The following SPRED1 variants were observed in gnomAD, a reference collection of about 807,000 sequenced individuals.
SPRED1 encodes the protein sprouty related EVH1 domain containing 1.
SPRED1 carries 18 observed loss-of-function variants against 52.3 expected under a neutral mutation model. The ratio of observed to expected loss-of-function variants is 0.34; its 90% confidence interval spans 0.24 to 0.51. SPRED1 has a LOEUF of 0.51. Among genes scored for constraint, SPRED1 ranks in the 20% least tolerant of loss-of-function variants. SPRED1 has a pLI of 0.97. For missense variants in SPRED1, 485 were observed against 551.0 expected (o/e 0.88, Z 1.20); for synonymous variants, 155 against 179.7 (o/e 0.86, Z 1.10).
At chr15:38,281,494 G>A (rs1302386385) in intron 1 of SPRED1, among the ~76,000 whole-genome samples, 1 of 151,828 alleles carries the variant, frequency 6.6e-6, no homozygotes, top group African/African-American at 2.4e-5. Context: ...CTGGGCTCAA[G>A]CGATTCTCCC....
At chr15:38,303,404 G>T (rs533859413) in intron 2 of SPRED1, among the ~76,000 whole-genome samples, 1 of 152,062 alleles carries the variant, frequency 6.6e-6, no homozygotes, top group Non-Finnish European at 1.5e-5. Flanking sequence ...AGATATAATG[G>T]TTCTTCTCTG....
At position 38,352,204 on chromosome 15, in the gene SPRED1, A is replaced by G. The variant is rs1033052429; in HGVS notation, c.*540A>G. ...CTAAATGTAAGGTACGAATTATTAC[A>G]TATTAAACTTTTCTTCCCCTTCCTA... On this transcript the variant is annotated 3_prime_UTR_variant, in exon 7 of 7. Transcript: ENST00000299084. 21 of 155,722 alleles carry G rather than the reference A, an allele frequency of 1.3e-4. No homozygotes were observed. The highest frequency in any genetic ancestry group is 5.1e-4 in the African/African-American group (21 of 41,408). 9.6% of individuals were successfully genotyped at this position (155,722 alleles called of 1,614,324 possible). A position where few individuals can be genotyped will look rare whatever the true frequency, so the allele number is the denominator to read the frequency against.
intron 1 of SPRED1, among the ~76,000 whole-genome samples, chr15:38,268,605 G>C (rs1439947616): frequency 6.6e-6 from 1 of 152,174 alleles, no homozygotes; most frequent in Non-Finnish European, 1.5e-5. Flanking sequence ...ACATTTAAAA[G>C]TGACCAGGGT....
chr15:38,295,403 TGTA>T lies in SPRED1; in HGVS notation c.33-3968_33-3966del, dbSNP rs1459177801. 2.6e-5 allele frequency among the ~76,000 whole-genome samples: 4 copies of T among 152,326 alleles called. 1 individual carries two copies. In the East Asian group the frequency reaches 7.7e-4, roughly 29 times the overall value. On this transcript the variant is annotated intron_variant, in intron 1 of 6. Coordinates refer to ENST00000299084, the MANE Select transcript of SPRED1 (RefSeq NM_152594.3). ...TACAGCATGTTGTTGTACTGAAAAG[TGTA>T]GCCAGTTTTAGCACAATGGTAAGTA... is the stretch of plus-strand genomic sequence containing the variant.
At chr15:38,296,164 C>G (rs1025432222) in intron 1 of SPRED1, among the ~76,000 whole-genome samples, 1 of 152,004 alleles carries the variant, frequency 6.6e-6, no homozygotes, top group Non-Finnish European at 1.5e-5. Context: ...TTCTACTTGT[C>G]TAGCAGTTGG....
intron 1 of SPRED1, among the ~76,000 whole-genome samples, chr15:38,273,328 A>G (rs1330930675): frequency 2.6e-5 from 4 of 152,098 alleles, no homozygotes; most frequent in East Asian, 3.8e-4. Flanking sequence ...ATAGTTCAGT[A>G]GTAGTCTTGT....
At chr15:38,324,036 G>T (rs1168832197) in intron 3 of SPRED1, among the ~76,000 whole-genome samples, 1 of 152,048 alleles carries the variant, frequency 6.6e-6, no homozygotes, top group East Asian at 1.9e-4. Flanking sequence ...CTGCTATATA[G>T]ACTTTCAACA....
chr15:38,353,872 T>C lies in SPRED1; in HGVS notation c.*2208T>C, dbSNP rs1156409627. ...TTCTGTTAAGCACTAATCAGTATAG[T>C]GCAACTCCTGGTTCTGTACTGTATT... On this transcript the variant is annotated 3_prime_UTR_variant, in exon 7 of 7. Coordinates refer to ENST00000299084, the MANE Select transcript of SPRED1 (RefSeq NM_152594.3). 1.3e-5 allele frequency: 2 copies of C among 152,636 alleles called. No individual in the cohort carries two copies. Among genetic ancestry groups the C allele is most frequent in the African/African-American group, 4.8e-5 (2 of 41,476 alleles). 9.5% of individuals were successfully genotyped at this position (152,636 alleles called of 1,614,324 possible).
At chr15:38,255,535 A>T (rs1894077133) in intron 1 of SPRED1, among the ~76,000 whole-genome samples, 1 of 152,188 alleles carries the variant, frequency 6.6e-6, no homozygotes, top group South Asian at 2.1e-4. Context: ...TAATGTGTTC[A>T]TCTGATAATC....
In SPRED1 at chr15:38,355,143, A is replaced by G. The variant is rs897649647; in HGVS notation, c.*3479A>G. 2.4e-4 allele frequency: 36 copies of G among 152,236 alleles called. No individual in the cohort carries two copies. The highest frequency in any genetic ancestry group is 8.2e-4 in the African/African-American group (34 of 41,408). The allele number at this position is 152,236 out of a possible 1,614,324, so 9.4% of individuals were successfully genotyped here. On this transcript the variant is annotated 3_prime_UTR_variant, in exon 7 of 7. Transcript: ENST00000299084. ...GCTAAGTTTTGGTATTTTAGTAGAG[A>G]TGGGGTTTCACCATGTTGGCCAGGC...
chr15:38,351,670 T>C lies in SPRED1; in HGVS notation c.*6T>C. 1 of 1,610,838 alleles carries C rather than the reference T, an allele frequency of 6.2e-7. No individual in the cohort carries two copies. Among genetic ancestry groups the C allele is most frequent in the South Asian group, 1.1e-5 (1 of 91,088 alleles). On this transcript the variant is annotated 3_prime_UTR_variant, in exon 7 of 7. Transcript: ENST00000299084. Reference sequence around the variant, plus strand: ...AACATAAAGCTGCTGGATGAAATGGTCCAGTGCCAAAATGAGCTTAAAATC... The same window carrying C: ...AACATAAAGCTGCTGGATGAAATGGCCCAGTGCCAAAATGAGCTTAAAATC...
chr15:38,271,815 T>C (rs1894440784), intron 1 of SPRED1, among the ~76,000 whole-genome samples: 1 of 152,184 alleles, frequency 6.6e-6, no homozygotes. Flanking sequence ...CAAAGGCATA[T>C]TTCATGATGC....
chr15:38,314,699 T>C (rs1895438278), intron 2 of SPRED1, among the ~76,000 whole-genome samples: 1 of 151,966 alleles, frequency 6.6e-6, no homozygotes. Flanking sequence ...AAAATACCTA[T>C]GTATGTCTGA....
chr15:38,256,635 G>T (rs1036118014), intron 1 of SPRED1, among the ~76,000 whole-genome samples: 1 of 152,118 alleles, frequency 6.6e-6, no homozygotes, highest in African/African-American at 2.4e-5. Context: ...GACCATGTAT[G>T]ATAAACGTAC....
chr15:38,293,000 C>A (rs763382102), intron 1 of SPRED1, among the ~76,000 whole-genome samples: 2 of 150,792 alleles, frequency 1.3e-5, no homozygotes, highest in Non-Finnish European at 3.0e-5. Context: ...TGCATAACCT[C>A]ATTTATTTCT....
rs1888571452 is a variant in SPRED1 at position 38,354,660 on chromosome 15, A to G, written c.*2996A>G. On this transcript the variant is annotated 3_prime_UTR_variant, in exon 7 of 7. Coordinates refer to ENST00000299084, the MANE Select transcript of SPRED1 (RefSeq NM_152594.3). ...AAGAACTGTCTCAAAGGAATTGTAA[A>G]ATGGTTATTTACCTAATGTGTCTTG... 1 of 152,196 alleles carries G rather than the reference A, an allele frequency of 6.6e-6. No homozygotes were observed. The highest frequency in any genetic ancestry group is 6.5e-5 in the Admixed American group (1 of 15,286). The allele number at this position is 152,196 out of a possible 1,614,324, so 9.4% of individuals were successfully genotyped here.
intron 4 of SPRED1, chr15:38,326,023 G>C (rs1443570401): frequency 6.6e-6 from 1 of 152,206 alleles, no homozygotes; most frequent in Non-Finnish European, 1.5e-5. Context: ...TCAGGACTCA[G>C]ACAGTAAATA....
chr15:38,293,473 T>G (rs1894966445), intron 1 of SPRED1, among the ~76,000 whole-genome samples: 1 of 152,160 alleles, frequency 6.6e-6, no homozygotes, highest in African/African-American at 2.4e-5. Context: ...GTGCCATGTT[T>G]AATATTTGCT....
chr15:38,341,910 T>C (rs1896037831), intron 5 of SPRED1, among the ~76,000 whole-genome samples: 1 of 152,030 alleles, frequency 6.6e-6, no homozygotes, highest in African/African-American at 2.4e-5. Flanking sequence ...CTAAAAATAC[T>C]TTTTTGATAT....
Sources: allele counts gnomAD v4.1 joint callset (sites outside exome capture counted in the v4.1 genomes callset), GRCh38; gene constraint gnomAD v4.1.1; transcripts MANE v1.5; gene names NCBI Gene and HGNC (gene_info 2026-07-23, HGNC 2026-07-21).